The following PDE10A variants were observed in gnomAD, a reference collection of about 807,000 sequenced individuals.
PDE10A encodes cAMP and cAMP-inhibited cGMP 3',5'-cyclic phosphodiesterase 10A.
A neutral mutation model predicts 97.7 loss-of-function variants in PDE10A; 39 were observed. The observed-to-expected ratio is 0.40, with a 90% CI of 0.31 to 0.52. The LOEUF is 0.52. PDE10A is among the 20% of genes least tolerant of loss of function. The pLI, the probability that PDE10A is intolerant of heterozygous loss-of-function variation, is 0.56. For synonymous variants in PDE10A, 371 were observed against 376.8 expected, an observed-to-expected ratio of 0.98 and a Z score of 0.18; for missense variants, 731 against 1,047.8, an observed-to-expected ratio of 0.70 and a Z score of 4.17.
intron 10 of PDE10A, among the ~76,000 whole-genome samples, chr6:165,427,061 C>T (rs955131475): frequency 1.3e-5 from 2 of 152,152 alleles, no homozygotes; most frequent in South Asian, 4.1e-4. Context: ...GGCAGTTCCT[C>T]AAAAAGTGAA....
chr6:165,899,018 A>G (rs2461728), intron 1 of PDE10A, among the ~76,000 whole-genome samples: 1 of 152,036 alleles, frequency 6.6e-6, no homozygotes, highest in South Asian at 2.1e-4. Flanking sequence ...CCTTCACTCG[A>G]TGGTTTTGTC....
intron 1 of PDE10A, among the ~76,000 whole-genome samples, chr6:165,658,000 T>C (rs1790050925): frequency 6.6e-6 from 1 of 152,102 alleles, no homozygotes; most frequent in Non-Finnish European, 1.5e-5. Context: ...CCTCAAACAA[T>C]TTACACTCAG....
At chr6:165,428,338 C>A (rs919623097) in intron 10 of PDE10A, among the ~76,000 whole-genome samples, 1 of 152,022 alleles carries the variant, frequency 6.6e-6, no homozygotes, top group East Asian at 1.9e-4. Context: ...ACTTGAAGAT[C>A]AGGAAAAAAT....
At chr6:165,982,842 T>C (rs746883108) in intron 1 of PDE10A, among the ~76,000 whole-genome samples, 1 of 152,210 alleles carries the variant, frequency 6.6e-6, no homozygotes, top group Non-Finnish European at 1.5e-5. Context: ...CACAATCTTA[T>C]GTCCAAGTTC....
chr6:165,860,622 T>C (rs769388867), intron 1 of PDE10A, among the ~76,000 whole-genome samples: 3 of 152,232 alleles, frequency 2.0e-5, no homozygotes, highest in Non-Finnish European at 4.4e-5. Context: ...TTTTTGCTCA[T>C]GTCCACAAAA....
chr6:165,809,682 TA>T (rs529692301), intron 1 of PDE10A, among the ~76,000 whole-genome samples: 109 of 152,100 alleles, frequency 7.2e-4, no homozygotes, highest in African/African-American at 2.5e-3. Context: ...ACCTAATCAG[TA>T]AAAAATGATG....
intron 1 of PDE10A, among the ~76,000 whole-genome samples, chr6:165,707,687 ATG>A (rs1021691294): frequency 6.6e-6 from 1 of 151,326 alleles, no homozygotes; most frequent in Non-Finnish European, 1.5e-5. Context: ...GTATGTGAGC[ATG>A]TGTGTGAGTG....
intron 5 of PDE10A, among the ~76,000 whole-genome samples, chr6:165,440,236 C>T (rs1471906407): frequency 6.6e-6 from 1 of 152,130 alleles, no homozygotes; most frequent in Non-Finnish European, 1.5e-5. Flanking sequence ...AATAAATCTG[C>T]TGAAGTTCAC....
chr6:165,412,654 G>C (rs1392133453), intron 13 of PDE10A, among the ~76,000 whole-genome samples: 2 of 152,140 alleles, frequency 1.3e-5, no homozygotes, highest in African/African-American at 2.4e-5. Context: ...TCGGTCACCA[G>C]AAGTTAAGTT....
chr6:165,649,131 C>T (rs902679739), intron 1 of PDE10A, among the ~76,000 whole-genome samples: 14 of 152,112 alleles, frequency 9.2e-5, no homozygotes, highest in African/African-American at 2.9e-4. Flanking sequence ...AGAGATCTCA[C>T]GAGGAGCTTG....
intron 1 of PDE10A, among the ~76,000 whole-genome samples, chr6:165,700,774 C>T (rs1255312965): frequency 3.3e-5 from 5 of 152,150 alleles, no homozygotes; most frequent in Admixed American, 2.6e-4. Flanking sequence ...TATCACTAGG[C>T]GGTCCTCCAG....
chr6:165,667,045 T>C (rs900399828), upstream of PDE10A, among the ~76,000 whole-genome samples: 2 of 152,210 alleles, frequency 1.3e-5, no homozygotes, highest in African/African-American at 4.8e-5. Context: ...AGTGTTGTTA[T>C]AGTCAAACCT....
At chr6:165,874,288 A>C (rs1781277334) in intron 1 of PDE10A, among the ~76,000 whole-genome samples, 1 of 152,176 alleles carries the variant, frequency 6.6e-6, no homozygotes, top group African/African-American at 2.4e-5. Context: ...TCACTAATGG[A>C]GTTACCTGCT....
intron 13 of PDE10A, among the ~76,000 whole-genome samples, chr6:165,412,750 A>G (rs1036253557): frequency 5.3e-5 from 8 of 152,120 alleles, no homozygotes; most frequent in Non-Finnish European, 1.2e-4. Flanking sequence ...ACTCCCAAAA[A>G]AGCAGTTTCT....
At chr6:165,350,576 T>A (rs1782627018) in intron 18 of PDE10A, among the ~76,000 whole-genome samples, 1 of 152,086 alleles carries the variant, frequency 6.6e-6, no homozygotes, top group Non-Finnish European at 1.5e-5. Flanking sequence ...GAGGATTGTG[T>A]TTTGAATTGT....
chr6:165,684,544 T>C (rs775594062), intron 1 of PDE10A, among the ~76,000 whole-genome samples: 2 of 152,228 alleles, frequency 1.3e-5, no homozygotes, highest in Non-Finnish European at 2.9e-5. Flanking sequence ...TTTCATTGGA[T>C]GCATGGGCAA....
intron 18 of PDE10A, among the ~76,000 whole-genome samples, chr6:165,366,205 T>C (rs1783760005): frequency 6.6e-6 from 1 of 152,210 alleles, no homozygotes; most frequent in Admixed American, 6.5e-5. Flanking sequence ...ATTAAAGTCA[T>C]GCACATATTA....
At chr6:165,528,299 C>T (rs777929077) in intron 2 of PDE10A, among the ~76,000 whole-genome samples, 1 of 152,264 alleles carries the variant, frequency 6.6e-6, no homozygotes, top group African/African-American at 2.4e-5. Context: ...TAGGATGAAC[C>T]ATTCTGTGGA....
At chr6:165,434,345 T>C (rs375148469) in intron 6 of PDE10A, among the ~76,000 whole-genome samples, 20 of 152,178 alleles carry the variant, frequency 1.3e-4, no homozygotes, top group African/African-American at 4.8e-4. Context: ...CAAATAATGG[T>C]GGAAAAACCA....
Sources: allele counts gnomAD v4.1 joint callset (sites outside exome capture counted in the v4.1 genomes callset), GRCh38; gene constraint gnomAD v4.1.1; transcripts MANE v1.5; gene names NCBI Gene and HGNC (gene_info 2026-07-23, HGNC 2026-07-21).